The following SHISA6 variants were observed in gnomAD, a reference collection of about 807,000 sequenced individuals.
SHISA6 encodes the protein protein shisa-6.
Under a neutral mutation model 47.9 loss-of-function variants are expected in SHISA6, and 22 were observed. The observed-to-expected ratio is 0.46, with a 90% confidence interval of 0.33 to 0.66. SHISA6 has a LOEUF of 0.66. Among genes scored for constraint, SHISA6 ranks in the 30% least tolerant of loss-of-function variants. The pLI is 0.02. For missense variants in SHISA6, 680 were observed against 764.6 expected (o/e 0.89, Z 1.30); for synonymous variants, 388 against 337.8 (o/e 1.15, Z -1.63).
intron 3 of SHISA6, among the ~76,000 whole-genome samples, chr17:11,437,518 G>A (rs1019863135): frequency 2.0e-5 from 3 of 152,078 alleles, no homozygotes. Context: ...CATTTTCTTT[G>A]CTCTTTATCC....
At chr17:11,295,243 T>C (rs1427219735) in intron 2 of SHISA6, among the ~76,000 whole-genome samples, 2 of 152,240 alleles carry the variant, frequency 1.3e-5, no homozygotes, top group Non-Finnish European at 2.9e-5. Context: ...GGGACTACCA[T>C]ATCAGTCTTC....
intron 3 of SHISA6, among the ~76,000 whole-genome samples, chr17:11,539,777 T>C (rs1206412805): frequency 6.6e-6 from 1 of 152,244 alleles, no homozygotes; most frequent in Non-Finnish European, 1.5e-5. Context: ...CAATGAGTCC[T>C]GAGCGCTAAT....
chr17:11,515,313 A>AAAAGGAAGG (rs1339552656), intron 3 of SHISA6, among the ~76,000 whole-genome samples: 1 of 130,812 alleles, frequency 7.6e-6, no homozygotes, highest in Non-Finnish European at 1.6e-5. Context: ...GAAGAAAGAA[A>AAAAGGAAGG]AAGGAAGGAA....
intron 2 of SHISA6, among the ~76,000 whole-genome samples, chr17:11,282,498 A>C (rs1909157283): frequency 6.6e-6 from 1 of 151,960 alleles, no homozygotes; most frequent in African/African-American, 2.4e-5. Context: ...TGCTGCACCC[A>C]TCAACTCATC....
chr17:11,419,714 A>G (rs1254951781), intron 3 of SHISA6, among the ~76,000 whole-genome samples: 1 of 152,216 alleles, frequency 6.6e-6, no homozygotes, highest in Admixed American at 6.5e-5. Flanking sequence ...ATTCCTTGGT[A>G]GGGAGGGGGT....
At position 11,458,207 on chromosome 17, in the gene SHISA6, T is replaced by C. The variant is rs188671524; in HGVS notation, c.895+78698T>C. Among the ~76,000 whole-genome samples the C allele has an allele frequency of 3.2e-3, 493 of 152,116 alleles. 3 individuals carry two copies. Among genetic ancestry groups the C allele is most frequent in the Non-Finnish European group, 5.5e-3 (372 of 68,006 alleles). ...GTCCAACCAGTGAGTATCTTCTGGGTGATAATGCAACTTCTTCAGGCTTCG... is the reference window on the plus strand; with the variant it reads ...GTCCAACCAGTGAGTATCTTCTGGGCGATAATGCAACTTCTTCAGGCTTCG... On this transcript the variant is annotated intron_variant, in intron 3 of 5. Transcript: ENST00000441885.
intron 3 of SHISA6, among the ~76,000 whole-genome samples, chr17:11,539,768 A>C (rs2071817731): frequency 6.6e-6 from 1 of 152,206 alleles, no homozygotes; most frequent in South Asian, 2.1e-4. Context: ...CATATCGATC[A>C]ATGAGTCCTG....
At chr17:11,532,194 C>T (rs202162794) in intron 3 of SHISA6, among the ~76,000 whole-genome samples, 277 of 152,240 alleles carry the variant, frequency 1.8e-3, no homozygotes, top group Non-Finnish European at 2.6e-3. Context: ...CTCTGAACTG[C>T]GGTGTAAGTG....
At chr17:11,342,239 T>C (rs548451835) in intron 2 of SHISA6, among the ~76,000 whole-genome samples, 2 of 151,934 alleles carry the variant, frequency 1.3e-5, no homozygotes, top group East Asian at 3.9e-4. Flanking sequence ...ACCACATAAA[T>C]ATTAAATCAC....
intron 3 of SHISA6, among the ~76,000 whole-genome samples, chr17:11,503,534 A>G (rs899058770): frequency 6.6e-5 from 10 of 151,958 alleles, no homozygotes; most frequent in African/African-American, 2.4e-4. Flanking sequence ...GGTTGTTCCC[A>G]CTTCTCAGCC....
At chr17:11,462,966 A>G (rs962841694) in intron 3 of SHISA6, among the ~76,000 whole-genome samples, 8 of 152,240 alleles carry the variant, frequency 5.3e-5, no homozygotes, top group African/African-American at 1.9e-4. Flanking sequence ...GTACAAATGC[A>G]AATTTTGTCT....
intron 2 of SHISA6, among the ~76,000 whole-genome samples, chr17:11,359,406 A>T (rs1166122988): frequency 6.6e-6 from 1 of 152,192 alleles, no homozygotes; most frequent in Non-Finnish European, 1.5e-5. Context: ...TCAACAATAC[A>T]TCTCATGGCT....
chr17:11,307,143 CT>C (rs56109461), intron 2 of SHISA6, among the ~76,000 whole-genome samples: 66 of 145,316 alleles, frequency 4.5e-4, no homozygotes, highest in African/African-American at 1.6e-3. Flanking sequence ...TGTTTGTTTT[CT>C]TTTTTTTTCT....
chr17:11,302,420 G>A (rs1909959701), intron 2 of SHISA6, among the ~76,000 whole-genome samples: 1 of 152,184 alleles, frequency 6.6e-6, no homozygotes, highest in Admixed American at 6.5e-5. Flanking sequence ...GCTGACCTGT[G>A]TCCAGAATCC....
At chr17:11,543,308 A>G (rs1414920009) in intron 3 of SHISA6, among the ~76,000 whole-genome samples, 1 of 152,200 alleles carries the variant, frequency 6.6e-6, no homozygotes, top group Non-Finnish European at 1.5e-5. Context: ...ACAAAGGAGG[A>G]GGATTCATTG....
At chr17:11,272,444 C>T (rs868720090) in intron 2 of SHISA6, among the ~76,000 whole-genome samples, 3 of 152,256 alleles carry the variant, frequency 2.0e-5, no homozygotes, top group Non-Finnish European at 2.9e-5. Context: ...GGCAGTGGAG[C>T]GGGCTGACTA....
chr17:11,255,292 T>C (rs1907965333), intron 1 of SHISA6, among the ~76,000 whole-genome samples: 1 of 151,900 alleles, frequency 6.6e-6, no homozygotes, highest in Non-Finnish European at 1.5e-5. Context: ...ATGACAATAA[T>C]GTTTCTAATT....
chr17:11,380,993 C>G (rs112747416), intron 3 of SHISA6, among the ~76,000 whole-genome samples: 90 of 152,260 alleles, frequency 5.9e-4, no homozygotes, highest in African/African-American at 2.0e-3. Flanking sequence ...ATGACCAATC[C>G]TATCAGTTGC....
chr17:11,334,826 AG>A (rs1911263649), intron 2 of SHISA6, among the ~76,000 whole-genome samples: 1 of 152,224 alleles, frequency 6.6e-6, no homozygotes, highest in Non-Finnish European at 1.5e-5. Context: ...CCTGGAATTC[AG>A]CCCCACGGAA....
Sources: allele counts gnomAD v4.1 joint callset (sites outside exome capture counted in the v4.1 genomes callset), GRCh38; gene constraint gnomAD v4.1.1; transcripts MANE v1.5; gene names NCBI Gene and HGNC (gene_info 2026-07-23, HGNC 2026-07-21).